AGFG2: variants seen among roughly 807,000 people sequenced by gnomAD.
AGFG2 encodes ArfGAP with FG repeats 2.
Under a neutral mutation model 48.0 loss-of-function variants are expected in AGFG2, and 31 were observed. The observed-to-expected ratio is 0.65, with a 90% confidence interval of 0.49 to 0.87. AGFG2 has a LOEUF of 0.87. Ranked by LOEUF, AGFG2 falls within the 40% of genes least tolerant of loss-of-function variation. AGFG2 has a pLI of 0.00. For missense variants in AGFG2, 599 were observed against 632.6 expected, an observed-to-expected ratio of 0.95 and a Z score of 0.57; for synonymous variants, 229 against 260.8, an observed-to-expected ratio of 0.88 and a Z score of 1.18.
intron 1 of AGFG2, among the ~76,000 whole-genome samples, chr7:100,542,655 G>A (rs751921841): frequency 2.2e-4 from 33 of 152,276 alleles, no homozygotes; most frequent in Non-Finnish European, 3.4e-4. Flanking sequence ...GTGGGAGCTG[G>A]CAGGTGGGCT....
chr7:100,539,345 C>A lies in AGFG2; in HGVS notation c.-2C>A. On this transcript the variant is annotated 5_prime_UTR_variant, in exon 1 of 12. Coordinates refer to ENST00000300176, the MANE Select transcript of AGFG2 (RefSeq NM_006076.5). Reference sequence around the variant, plus strand: ...TGACTAGCGGGGAGGGAGTGGGCAGCGATGGTGATGGCGGCGAAGAAGGGC... The same window carrying A: ...TGACTAGCGGGGAGGGAGTGGGCAGAGATGGTGATGGCGGCGAAGAAGGGC... 7.9e-7 allele frequency: 1 copy of A among 1,267,122 alleles called. No homozygotes were observed. The highest frequency in any genetic ancestry group is 2.9e-5 in the South Asian group (1 of 34,974). 78.5% of individuals were successfully genotyped at this position (1,267,122 alleles called of 1,614,324 possible).
In AGFG2 at chr7:100,550,459, G is replaced by T. The variant is rs1358736718; in HGVS notation, c.379G>T (p.Asp127Tyr). 8.7e-6 allele frequency: 14 copies of T among 1,614,172 alleles called. No homozygotes were observed. Among genetic ancestry groups the T allele is most frequent in the Non-Finnish European group, 1.2e-5 (14 of 1,180,036 alleles). Reference sequence around the variant, plus strand: ...GACATCTTTAGTACCAGATTCCAGGGATCCTCAGAAAGTGAAGGAGTTTCT... The same window carrying T: ...GACATCTTTAGTACCAGATTCCAGGTATCCTCAGAAAGTGAAGGAGTTTCT... The part of the protein sequence containing the change: ...ARTSLVPDSR[D>Y]PQKVKEFLQE... Residue 127 changes from aspartate to tyrosine, a missense_variant, in exon 3 of 12, where the codon GAT (aspartate) becomes TAT (tyrosine). Transcript: ENST00000300176.
chr7:100,549,288 G>A (rs1800576421), intron 2 of AGFG2, among the ~76,000 whole-genome samples: 1 of 152,166 alleles, frequency 6.6e-6, no homozygotes, highest in Non-Finnish European at 1.5e-5. Flanking sequence ...CTGGATTTAA[G>A]TGCATATCTT....
intron 3 of AGFG2, among the ~76,000 whole-genome samples, chr7:100,552,028 G>A (rs1800658213): frequency 6.6e-6 from 1 of 151,090 alleles, no homozygotes; most frequent in African/African-American, 2.4e-5. Context: ...TGGATCACAG[G>A]GTCAGGACTA....
chr7:100,549,526 C>G (rs1202545486), intron 2 of AGFG2, among the ~76,000 whole-genome samples: 1 of 152,114 alleles, frequency 6.6e-6, no homozygotes, highest in Non-Finnish European at 1.5e-5. Flanking sequence ...TTTCCTTTTT[C>G]AATACATGTC....
At chr7:100,542,231 GTCTCGAACTCCTGA>G (rs1326775352) in intron 1 of AGFG2, among the ~76,000 whole-genome samples, 6 of 152,176 alleles carry the variant, frequency 3.9e-5, no homozygotes, top group African/African-American at 1.4e-4. Context: ...GGTCAGGCTG[GTCTCGAACTCCTGA>G]TCTCAAGTGA....
chr7:100,541,232 G>T (rs1456137947), intron 1 of AGFG2, among the ~76,000 whole-genome samples: 1 of 152,136 alleles, frequency 6.6e-6, no homozygotes, highest in Non-Finnish European at 1.5e-5. Flanking sequence ...TCAAGATACC[G>T]TTTGGAATTA....
At chr7:100,564,074 A>AG (rs1339342205) in intron 10 of AGFG2, 112 bp downstream of exon 10, 10 of 1,554,124 alleles carry the variant, frequency 6.4e-6, no homozygotes, top group African/African-American at 5.4e-5. Flanking sequence ...TCTGACCAGC[A>AG]GGGGGGACCA....
intron 9 of AGFG2, 95 bp downstream of exon 9, chr7:100,563,041 G>T: frequency 1.6e-6 from 2 of 1,263,986 alleles, no homozygotes; most frequent in Non-Finnish European, 2.2e-6. Flanking sequence ...GTCTCACGCT[G>T]TCAGGAGAAG....
chr7:100,549,291 C>T (rs1240858048), intron 2 of AGFG2, among the ~76,000 whole-genome samples: 1 of 152,174 alleles, frequency 6.6e-6, no homozygotes, highest in Non-Finnish European at 1.5e-5. Context: ...GATTTAAGTG[C>T]ATATCTTGTA....
intron 9 of AGFG2, 67 bp downstream of exon 9, chr7:100,563,013 C>T: frequency 6.9e-7 from 1 of 1,439,976 alleles, no homozygotes; most frequent in Non-Finnish European, 9.6e-7. Context: ...TACCCTGCAG[C>T]CTCTCCCTTA....
intron 1 of AGFG2, among the ~76,000 whole-genome samples, chr7:100,547,768 G>A (rs1021439228): frequency 2.0e-5 from 3 of 152,090 alleles, no homozygotes; most frequent in South Asian, 2.1e-4. Context: ...CATATTCCTC[G>A]CCCATGCCAG....
chr7:100,564,015 G>C (rs1432805709), intron 10 of AGFG2, 53 bp downstream of exon 10: 21 of 1,591,398 alleles, frequency 1.3e-5, no homozygotes, highest in Non-Finnish European at 1.7e-5. Context: ...TCTGCATAGA[G>C]ATCAGTTAGT....
At chr7:100,563,397 T>A (rs1562796576) in intron 9 of AGFG2, among the ~76,000 whole-genome samples, 1 of 152,144 alleles carries the variant, frequency 6.6e-6, no homozygotes, top group Non-Finnish European at 1.5e-5. Flanking sequence ...GCTGAAGCCT[T>A]GAGGCTGGGG....
At chr7:100,548,519 G>T (rs1260075959) in intron 1 of AGFG2, among the ~76,000 whole-genome samples, 1 of 151,986 alleles carries the variant, frequency 6.6e-6, no homozygotes, top group African/African-American at 2.4e-5. Flanking sequence ...CACCATATTG[G>T]CCAGGCTGGT....
In AGFG2 at chr7:100,565,736, C is replaced by CTCT. The variant is rs1309678093; in HGVS notation, c.*746_*748dup. 6.6e-6 allele frequency: 1 copy of CTCT among 152,546 alleles called. No individual in the cohort carries two copies. The highest frequency in any genetic ancestry group is 1.5e-5 in the Non-Finnish European group (1 of 68,098). 9.4% of individuals were successfully genotyped at this position (152,546 alleles called of 1,614,324 possible). Reference sequence around the variant, plus strand: ...CAGCCGATCTCCCGCTCCCAGACTGCTCTCGTATGTGGGGAATGGGATGAA... The same window carrying CTCT: ...CAGCCGATCTCCCGCTCCCAGACTGCTCTTCTCGTATGTGGGGAATGGGATGAA... On this transcript the variant is annotated 3_prime_UTR_variant, in exon 12 of 12. Transcript: ENST00000300176.
chr7:100,567,175 C>T lies in AGFG2; in HGVS notation c.*2184C>T, dbSNP rs926367647. ...AGTTAACGCCAGGTCAGCCTCGGGC[C>T]CCAGGGTTCCCTGGGCACAGGCTGA... On this transcript the variant is annotated 3_prime_UTR_variant, in exon 12 of 12. Transcript: ENST00000300176. 4.6e-5 allele frequency: 7 copies of T among 152,580 alleles called. No individual in the cohort carries two copies. The highest frequency in any genetic ancestry group is 1.7e-4 in the African/African-American group (7 of 41,450). The allele number at this position is 152,580 out of a possible 1,614,324, so 9.5% of individuals were successfully genotyped here. A position where few individuals can be genotyped will look rare whatever the true frequency, so the allele number is the denominator to read the frequency against.
At chr7:100,553,626 T>C in intron 4 of AGFG2, 126 bp downstream of exon 4, 1 of 1,154,296 alleles carries the variant, frequency 8.7e-7, no homozygotes, top group East Asian at 2.6e-5. Flanking sequence ...GTCTCGGCTC[T>C]GCTGTTAACC....
Position 100,562,431 on chromosome 7 carries a change from C to A in AGFG2, c.998+52C>A, listed in dbSNP as rs1443295895. 1 of 1,606,588 alleles carries A rather than the reference C, an allele frequency of 6.2e-7. No individual in the cohort carries two copies. The highest frequency in any genetic ancestry group is 1.7e-5 in the Admixed American group (1 of 59,736). On this transcript the variant is annotated intron_variant, in intron 7 of 11. Transcript: ENST00000300176. This position sits in a 1 kb window ranked among gnomAD's most constrained non-coding sequence, Gnocchi z 5.4. ...TGTAGGGCAGGAGAGCCGCCCGAAG[C>A]CTGGCCATGTTCCTCCCAGCCCCAT...
Sources: allele counts gnomAD v4.1 joint callset (sites outside exome capture counted in the v4.1 genomes callset), GRCh38; gene constraint gnomAD v4.1.1; non-coding constraint Gnocchi (gnomAD v3.1); transcripts MANE v1.5; gene names NCBI Gene and HGNC (gene_info 2026-07-23, HGNC 2026-07-21).